Variants in ATRNL1 observed in about 807,000 individuals in gnomAD.
ATRNL1 encodes the protein attractin-like protein 1.
Under a neutral mutation model 182.7 loss-of-function variants are expected in ATRNL1, and 95 were observed. The ratio of observed to expected loss-of-function variants is 0.52; its 90% CI spans 0.44 to 0.62. The LOEUF is 0.62. Ranked by LOEUF, ATRNL1 falls within the 20% of genes least tolerant of loss-of-function variation. The pLI, the probability that ATRNL1 is intolerant of heterozygous loss-of-function variation, is 0.00. For synonymous variants in ATRNL1, 576 were observed against 568.3 expected, an observed-to-expected ratio of 1.01 and a Z score of -0.19; for missense variants, 1,471 against 1,679.5, an observed-to-expected ratio of 0.88 and a Z score of 2.17.
chr10:115,230,698 A>G (rs977079497), intron 9 of ATRNL1, among the ~76,000 whole-genome samples: 1 of 152,150 alleles, frequency 6.6e-6, no homozygotes, highest in Admixed American at 6.6e-5. Context: ...ATGCAAGAGC[A>G]GAAGCAGGAA....
chr10:115,588,686 C>T (rs1321367894), intron 26 of ATRNL1, among the ~76,000 whole-genome samples: 5 of 152,016 alleles, frequency 3.3e-5, no homozygotes, highest in African/African-American at 1.2e-4. Context: ...TGAGTGTGTC[C>T]CAGATTTTCC....
rs191186180 is a variant in ATRNL1 at position 115,878,745 on chromosome 10, G to A, written c.4018+30754G>A. ...ATAATGCATGTGTTTTGTTAATACC[G>A]TTAATACCATGTAATACTAGTGCCC... On this transcript the variant is annotated intron_variant, in intron 28 of 28. Transcript: ENST00000355044. Among the ~76,000 whole-genome samples, 65 of 152,178 alleles carry A rather than the reference G, an allele frequency of 4.3e-4. 2 individuals carry two copies. The South Asian group carries it at 9.3e-3, about 22-fold the overall frequency.
At chr10:115,230,870 TGAGAGAGA>T (rs1169884107) in intron 9 of ATRNL1, among the ~76,000 whole-genome samples, 5,516 of 83,426 alleles carry the variant, frequency 0.066, 100 homozygotes, top group East Asian at 0.1. Flanking sequence ...ATAGAGTGGA[TGAGAGAGA>T]GAGAGAGAGA....
chr10:115,680,934 G>C (rs141522079), intron 26 of ATRNL1, among the ~76,000 whole-genome samples: 231 of 152,242 alleles, frequency 1.5e-3, no homozygotes, highest in Admixed American at 3.6e-3. Context: ...GAGAACACTT[G>C]TCTGACCTGG....
chr10:115,127,951 A>G (rs936665408), intron 4 of ATRNL1, among the ~76,000 whole-genome samples: 1 of 152,172 alleles, frequency 6.6e-6, no homozygotes, highest in Non-Finnish European at 1.5e-5. Context: ...GAAATTGACA[A>G]TTGTTTTTTG....
chr10:115,645,499 T>G (rs1219856690), intron 26 of ATRNL1, among the ~76,000 whole-genome samples: 1 of 147,652 alleles, frequency 6.8e-6, no homozygotes, highest in Non-Finnish European at 1.5e-5. Flanking sequence ...GAGATTTATA[T>G]ATATATAAAT....
rs1554953819 is a variant in ATRNL1 at position 115,389,550 on chromosome 10, A to ATATATG, written c.3176-5104_3176-5103insGTATAT. 4.9e-4 allele frequency among the ~76,000 whole-genome samples: 27 copies of ATATATG among 54,774 alleles called. 1 individual carries two copies. Among genetic ancestry groups the ATATATG allele is most frequent in the African/African-American group, 1.1e-3 (18 of 15,924 alleles). The allele number at this position is 54,774 out of a possible 152,430, so 35.9% of individuals were successfully genotyped here. A position where few individuals can be genotyped will look rare whatever the true frequency, so the allele number is the denominator to read the frequency against. On this transcript the variant is annotated intron_variant, in intron 19 of 28. Transcript: ENST00000355044. ...TTCAAATGTGTATGTGTATATATAT[A>ATATATG]TATATATATATATATATATATATAT...
At chr10:115,139,313 G>A (rs911730496) in intron 5 of ATRNL1, among the ~76,000 whole-genome samples, 2 of 152,180 alleles carry the variant, frequency 1.3e-5, no homozygotes, top group Middle Eastern at 3.4e-3. Context: ...TTTCAGCCGC[G>A]CTCCACTCTA....
intron 26 of ATRNL1, among the ~76,000 whole-genome samples, chr10:115,616,761 G>A (rs1857449076): frequency 6.6e-6 from 1 of 152,216 alleles, no homozygotes; most frequent in Non-Finnish European, 1.5e-5. Flanking sequence ...CTTCCACATG[G>A]TTTCAAGCCT....
rs572743389 is a variant in ATRNL1, at chr10:115,856,428, C to CAAAAA, written c.4018+8455_4018+8459dup. Among the ~76,000 whole-genome samples the CAAAAA allele has an allele frequency of 7.5e-3, 169 of 22,534 alleles. 52 individuals carry two copies. The East Asian group carries it at 0.16, about 21-fold the overall frequency. 14.8% of individuals were successfully genotyped at this position (22,534 alleles called of 152,430 possible). On this transcript the variant is annotated intron_variant, in intron 28 of 28. Coordinates refer to ENST00000355044, the MANE Select transcript of ATRNL1 (RefSeq NM_207303.4). ...GGGCAACAAGAGCGAAGCTCCATCT[C>CAAAAA]AAAAAAAAAAAAAAAAAAAAAAGCC...
chr10:115,136,400 C>T (rs1592150344), intron 5 of ATRNL1, among the ~76,000 whole-genome samples: 1 of 152,162 alleles, frequency 6.6e-6, no homozygotes, highest in Non-Finnish European at 1.5e-5. Flanking sequence ...GTATCTCCCA[C>T]CAGAGTGTAT....
intron 27 of ATRNL1, among the ~76,000 whole-genome samples, chr10:115,763,210 A>T (rs1321046250): frequency 4.6e-5 from 7 of 152,070 alleles, no homozygotes; most frequent in African/African-American, 1.7e-4. Context: ...ATCATTCAAA[A>T]ATATTTATTG....
intron 28 of ATRNL1, among the ~76,000 whole-genome samples, chr10:115,931,599 T>C (rs1199769418): frequency 2.0e-5 from 3 of 152,342 alleles, no homozygotes; most frequent in Admixed American, 1.3e-4. Context: ...ATTCCCTTTA[T>C]TGACCTGAAA....
At chr10:115,889,229 T>C (rs1236203199) in intron 28 of ATRNL1, among the ~76,000 whole-genome samples, 1 of 152,216 alleles carries the variant, frequency 6.6e-6, no homozygotes, top group Non-Finnish European at 1.5e-5. Context: ...ATCTCTCTCT[T>C]AGTCCATTAC....
chr10:115,093,765 C>T lies in ATRNL1; in HGVS notation c.15C>T (p.Gly5=), dbSNP rs2084936463. The change falls in exon 1 of 29, where the codon GGC becomes GGT. Residue 5 remains glycine (G), a synonymous_variant. Transcript: ENST00000355044. The surrounding 1 kb of genome is among the most constrained non-coding windows in gnomAD (Gnocchi z 6.1). ...CGCCGGGGAAGATGGAGACTGGGGG[C>T]CGGGCCCGCACTGGTACCCCGCAGC... is the stretch of plus-strand genomic sequence containing the variant. METG[G]RARTGTPQPA... The T allele has an allele frequency of 7.1e-7, 1 of 1,416,248 alleles. No individual in the cohort carries two copies. Among genetic ancestry groups the T allele is most frequent in the Non-Finnish European group, 9.1e-7 (1 of 1,093,018 alleles). The allele number at this position is 1,416,248 out of a possible 1,614,324, so 87.7% of individuals were successfully genotyped here.
intron 26 of ATRNL1, among the ~76,000 whole-genome samples, chr10:115,663,907 A>G (rs1310106820): frequency 1.3e-4 from 20 of 152,184 alleles, no homozygotes; most frequent in African/African-American, 4.6e-4. Flanking sequence ...TATTACTCCG[A>G]TGTAGCCAAA....
chr10:115,571,451 C>G (rs1465647495), intron 26 of ATRNL1, among the ~76,000 whole-genome samples: 1 of 152,178 alleles, frequency 6.6e-6, no homozygotes, highest in East Asian at 1.9e-4. Context: ...GCTGTTATTA[C>G]TGCATGTTAT....
At chr10:115,301,787 GAA>G (rs1853481776) in intron 16 of ATRNL1, 66 bp from the exon 17 acceptor site, 1 of 1,352,712 alleles carries the variant, frequency 7.4e-7, no homozygotes, top group Admixed American at 2.7e-5. Flanking sequence ...GCAAAGCAAA[GAA>G]AACCCATACA....
intron 5 of ATRNL1, among the ~76,000 whole-genome samples, chr10:115,132,929 A>G (rs1379887781): frequency 6.6e-6 from 1 of 152,120 alleles, no homozygotes; most frequent in Non-Finnish European, 1.5e-5. Flanking sequence ...GAAGTTCTTT[A>G]GTTTAATTAG....
Sources: allele counts gnomAD v4.1 joint callset (sites outside exome capture counted in the v4.1 genomes callset), GRCh38; gene constraint gnomAD v4.1.1; non-coding constraint Gnocchi (gnomAD v3.1); transcripts MANE v1.5; gene names NCBI Gene and HGNC (gene_info 2026-07-23, HGNC 2026-07-21).